CA5B: variants seen among roughly 807,000 people sequenced by gnomAD.
The protein encoded by CA5B is carbonic anhydrase 5B, mitochondrial.
A neutral mutation model predicts 23.1 loss-of-function variants in CA5B; 15 were observed. That is an observed-to-expected ratio of 0.65 (90% CI 0.43 to 1.00). The LOEUF (loss-of-function observed/expected upper bound fraction) is 1.00, where lower values mean the gene tolerates loss of function less well. Ranked by LOEUF, CA5B falls within the 50% of genes least tolerant of loss-of-function variation. The pLI is 0.00. For missense variants in CA5B, 236 were observed against 252.2 expected, an observed-to-expected ratio of 0.94 and a Z score of 0.43; for synonymous variants, 84 against 98.5, an observed-to-expected ratio of 0.85 and a Z score of 0.87.
chrX:15,749,801 C>T, intron 1 of CA5B, 170 bp from the exon 2 acceptor site: 1 of 379,252 alleles, frequency 2.6e-6, no homozygotes. Flanking sequence ...CTGAGGGGAC[C>T]AATGAGTTTG....
At chrX:15,759,297 CTAACCA>C (rs1931553302) in intron 2 of CA5B, among the ~76,000 whole-genome samples, 1 of 112,079 alleles carries the variant, frequency 8.9e-6, no homozygotes. Context: ...TGTTGAAATC[CTAACCA>C]CCAAGGTGAT....
At chrX:15,768,205 T>G (rs1454893975) in intron 3 of CA5B, among the ~76,000 whole-genome samples, 1 of 110,222 alleles carries the variant, frequency 9.1e-6, no homozygotes, top group Non-Finnish European at 1.9e-5. Flanking sequence ...CTCCGGCAAA[T>G]TTTTGTATTT....
At chrX:15,776,541 G>T (rs1931934293) in intron 6 of CA5B, among the ~76,000 whole-genome samples, 173 bp from the exon 7 acceptor site, 2 of 111,033 alleles carry the variant, frequency 1.8e-5, no homozygotes, top group African/African-American at 6.5e-5. Context: ...AACAAAGCCA[G>T]GCATGATACC....
chrX:15,771,370 CAAA>C (rs11290495), intron 3 of CA5B, among the ~76,000 whole-genome samples: 1 of 88,312 alleles, frequency 1.1e-5, no homozygotes. Context: ...GACCCTGTTT[CAAA>C]AAAAAAAAAA....
At chrX:15,745,139 A>G (rs752550043) in intron 1 of CA5B, among the ~76,000 whole-genome samples, 2 of 95,049 alleles carry the variant, frequency 2.1e-5, no homozygotes, top group Non-Finnish European at 4.1e-5. Context: ...ACTGCACTCC[A>G]GCCTGGGTGA....
chrX:15,750,390 T>C (rs895443724), intron 2 of CA5B: 3 of 305,409 alleles, frequency 9.8e-6, no homozygotes, highest in African/African-American at 8.0e-5. Context: ...AATAACTGTT[T>C]CTCTGTTGAT....
chrX:15,774,093 T>C (rs1931873169), intron 4 of CA5B, among the ~76,000 whole-genome samples: 1 of 112,299 alleles, frequency 8.9e-6, no homozygotes. Context: ...TAAATCCCTT[T>C]ATTCTAAAAT....
In CA5B at chrX:15,754,906, A is replaced by C. The variant is rs1008532773; in HGVS notation, c.142+4741A>C. On this transcript the variant is annotated intron_variant, in intron 2 of 7. Coordinates refer to ENST00000318636, the MANE Select transcript of CA5B (RefSeq NM_007220.4). ...CCACTAACCCCATGTGGGTATTTAC[A>C]TGTAAATTTAAATTCATTAAATTTT... 5.3e-5 allele frequency among the ~76,000 whole-genome samples: 6 copies of C among 112,427 alleles called. No individual in the cohort carries two copies. The Admixed American group carries it at 5.6e-4, about 11-fold the overall frequency.
At chrX:15,748,089 G>C (rs752056008) in intron 1 of CA5B, among the ~76,000 whole-genome samples, 2 of 112,069 alleles carry the variant, frequency 1.8e-5, no homozygotes, top group South Asian at 7.4e-4. Flanking sequence ...ACGCAGGAAG[G>C]CTGGTCGCCC....
chrX:15,742,631 G>A (rs970927754), intron 1 of CA5B, among the ~76,000 whole-genome samples: 7 of 112,476 alleles, frequency 6.2e-5, no homozygotes, highest in Non-Finnish European at 1.1e-4. Context: ...CTCCCGCCTC[G>A]GCCTCCCGAA....
intron 2 of CA5B, among the ~76,000 whole-genome samples, chrX:15,754,264 G>A (rs1931446208): frequency 8.9e-6 from 1 of 112,651 alleles, no homozygotes; most frequent in African/African-American, 3.2e-5. Context: ...CTTAGCTAGT[G>A]ATGTCACGCA....
intron 1 of CA5B, among the ~76,000 whole-genome samples, chrX:15,740,000 A>G (rs1464571762): frequency 1.8e-5 from 2 of 111,949 alleles, no homozygotes; most frequent in African/African-American, 6.5e-5. Flanking sequence ...TGTTTTGCCT[A>G]CATATGAATG....
At chrX:15,750,939 T>C (rs1931344261) in intron 2 of CA5B, among the ~76,000 whole-genome samples, 1 of 111,904 alleles carries the variant, frequency 8.9e-6, no homozygotes, top group African/African-American at 3.3e-5. Flanking sequence ...TCCTGGCCTC[T>C]GCCTACTAGT....
At chrX:15,769,441 C>T (rs911134397) in intron 3 of CA5B, 1 of 744,259 alleles carries the variant, frequency 1.3e-6, no homozygotes, top group African/African-American at 2.3e-5. Context: ...CCTGGATGAT[C>T]CCTGTCAATT....
chrX:15,772,406 A>G (rs1931837323), intron 3 of CA5B, 90 bp from the exon 4 acceptor site: 2 of 541,895 alleles, frequency 3.7e-6, no homozygotes, highest in African/African-American at 2.3e-5. Flanking sequence ...GACAGTTCAC[A>G]TGGAGGGTCC....
chrX:15,772,639 T>C, intron 4 of CA5B, 25 bp downstream of exon 4: 1 of 930,457 alleles, frequency 1.1e-6, no homozygotes, highest in Non-Finnish European at 1.5e-6. Flanking sequence ...TCAGGAACAG[T>C]GACAACTGTA....
At chrX:15,776,393 A>G (rs993161455) in intron 6 of CA5B, among the ~76,000 whole-genome samples, 1 of 110,203 alleles carries the variant, frequency 9.1e-6, no homozygotes, top group African/African-American at 3.3e-5. Context: ...CTCTTTCTTT[A>G]TGCACTGGCC....
chrX:15,746,446 A>G (rs191657627), intron 1 of CA5B, among the ~76,000 whole-genome samples: 1 of 111,068 alleles, frequency 9.0e-6, no homozygotes, highest in East Asian at 2.8e-4. Context: ...AATCTTAACC[A>G]TTTCAGTTCA....
At chrX:15,739,586 C>T (rs1931077608) in intron 1 of CA5B, among the ~76,000 whole-genome samples, 1 of 111,119 alleles carries the variant, frequency 9.0e-6, no homozygotes. Context: ...CAACCACTCA[C>T]AATTGGAACG....
Sources: gnomAD v4.1 joint callset for allele counts (sites outside exome capture counted in the v4.1 genomes callset) on GRCh38, gnomAD v4.1.1 for gene constraint, MANE v1.5 for transcripts, NCBI Gene and HGNC (gene_info 2026-07-23, HGNC 2026-07-21) for gene names.